The following VWA2 variants were observed in gnomAD, a reference collection of about 807,000 sequenced individuals.
VWA2 encodes the protein von Willebrand factor A domain containing 2.
In VWA2, 73 loss-of-function variants were observed where a neutral mutation model predicts 70.4. The observed-to-expected ratio is 1.04, with a 90% confidence interval of 0.86 to 1.26. The LOEUF is 1.26. Ranked by LOEUF, VWA2 falls within the 50% of genes most tolerant of loss-of-function variation. The pLI is 0.00. For missense variants in VWA2, 1,011 were observed against 998.5 expected, an observed-to-expected ratio of 1.01 and a Z score of -0.17; for synonymous variants, 407 against 423.3, an observed-to-expected ratio of 0.96 and a Z score of 0.47.
chr10:114,294,221 A>G lies in VWA2; in HGVS notation c.*2984A>G, dbSNP rs2039863226. Among the ~76,000 whole-genome samples the G allele has an allele frequency of 6.6e-6, 1 of 152,206 alleles. No homozygotes were observed. Among genetic ancestry groups the G allele is most frequent in the South Asian group, 2.1e-4 (1 of 4,836 alleles). On this transcript the variant is annotated 3_prime_UTR_variant, in exon 14 of 14. Coordinates refer to ENST00000392982, the MANE Select transcript of VWA2 (RefSeq NM_001272046.2). ...TTCAGATTCTTTTAATCTGTGTCCA[A>G]CAATGAGATTTGTTTTCTTTTGCAA... is the stretch of plus-strand genomic sequence containing the variant.
At chr10:114,259,863 T>A (rs2037406892) in intron 4 of VWA2, among the ~76,000 whole-genome samples, 1 of 152,186 alleles carries the variant, frequency 6.6e-6, no homozygotes, top group Non-Finnish European at 1.5e-5. Flanking sequence ...GACTGAGATT[T>A]CTTTCTGCTT....
chr10:114,257,644 C>T lies in VWA2; in HGVS notation c.261+2596C>T, dbSNP rs549380161. On this transcript the variant is annotated intron_variant, in intron 4 of 13. Transcript: ENST00000392982. ...TTGTCTTGACCCTCAGAATTCACAC[C>T]CTGCTATCACACAGCAAATGGCCAG... Among the ~76,000 whole-genome samples, 21 of 152,254 alleles carry T rather than the reference C, an allele frequency of 1.4e-4. No homozygotes were observed. The East Asian group carries it at 4.1e-3, about 29-fold the overall frequency.
chr10:114,240,571 T>G (rs2036958053), intron 1 of VWA2, among the ~76,000 whole-genome samples: 1 of 152,216 alleles, frequency 6.6e-6, no homozygotes, highest in Admixed American at 6.5e-5. Context: ...TCTAAGTGTT[T>G]TATAAATTCA....
At chr10:114,246,185 C>T in intron 1 of VWA2, 1 of 1,180,992 alleles carries the variant, frequency 8.5e-7, no homozygotes, top group Non-Finnish European at 1.2e-6. Context: ...GGCAAACGTA[C>T]ACCAAGAGAC....
At chr10:114,248,505 G>T (rs1242153045) in intron 1 of VWA2, among the ~76,000 whole-genome samples, 199 bp from the exon 2 acceptor site, 1 of 152,176 alleles carries the variant, frequency 6.6e-6, no homozygotes, top group East Asian at 1.9e-4. Flanking sequence ...TGTTAGCTTG[G>T]TGTCTAAAAC....
At position 114,289,340 on chromosome 10, in the gene VWA2, A is replaced by G. The variant is rs1270714403; in HGVS notation, c.1973A>G (p.Asn658Ser). The G allele has an allele frequency of 8.7e-6, 14 of 1,614,120 alleles. 1 individual carries two copies. The highest frequency in any genetic ancestry group is 6.7e-5 in the East Asian group (3 of 44,894). ...GTTCCTGCCCAGAAGCTGAGGAACA[A>G]TGGCATCTCTGTCTTGGTCGTGGGC... ...AAVPAQKLRN[N>S]GISVLVVGVG... Residue 658 changes from asparagine to serine, a missense_variant, in exon 12 of 14, where the codon AAT becomes AGT. Asn to Ser is a conservative substitution (Grantham distance 46). Coordinates refer to ENST00000392982, the MANE Select transcript of VWA2 (RefSeq NM_001272046.2).
chr10:114,288,848 T>G, intron 11 of VWA2, 90 bp from the exon 12 acceptor site: 1 of 1,432,462 alleles, frequency 7.0e-7, no homozygotes, highest in Middle Eastern at 2.5e-4. Flanking sequence ...TGGCTGACCT[T>G]GGTCCTACCC....
Position 114,285,956 on chromosome 10 carries a change from G to A in VWA2, c.1015G>A (p.Glu339Lys). The stretch of plus-strand genomic sequence containing the variant: ...CCCCGCAGCCCTGAAGCTGAGCCTG[G>A]AATGCAGGGTCGACCTCCTCTTCCT... ...EANCALKLSL[E>K]CRVDLLFLLD... is the part of the protein sequence containing the mutation. Residue 339 changes from glutamate (E) to lysine (K), a missense_variant, in exon 11 of 14, where the codon GAA becomes AAA. Transcript: ENST00000392982. 1 of 1,599,706 alleles carries A rather than the reference G, an allele frequency of 6.3e-7. No individual in the cohort carries two copies. Among genetic ancestry groups the A allele is most frequent in the Non-Finnish European group, 8.5e-7 (1 of 1,169,860 alleles).
chr10:114,276,051 G>A (rs1195167256), intron 6 of VWA2, among the ~76,000 whole-genome samples: 1 of 152,232 alleles, frequency 6.6e-6, no homozygotes, highest in Non-Finnish European at 1.5e-5. Context: ...GTTTGTCAGT[G>A]TTTCAGTGTC....
intron 5 of VWA2, among the ~76,000 whole-genome samples, chr10:114,271,608 AACACACACACACAC>A (rs142127208): frequency 1.8e-4 from 26 of 144,796 alleles, no homozygotes; most frequent in South Asian, 1.4e-3. Context: ...GAGAAGTAAA[AACACACACACACAC>A]ACACACACAC....
At chr10:114,268,717 C>T (rs1188665511) in intron 5 of VWA2, among the ~76,000 whole-genome samples, 3 of 141,776 alleles carry the variant, frequency 2.1e-5, no homozygotes, top group East Asian at 2.1e-4. Context: ...TTTTTTGAGA[C>T]GGAGTCTCGC....
rs143776898 is a variant in VWA2, at chr10:114,289,119, G to A, written c.1752G>A (p.Gly584=). The A allele has an allele frequency of 6.2e-7, 1 of 1,614,076 alleles. No individual in the cohort carries two copies. Among genetic ancestry groups the A allele is most frequent in the African/African-American group, 1.3e-5 (1 of 75,030 alleles). ...VYGSQVQTAF[G]LDTKPTRAAM... ...GCAGCCAGGTGCAGACTGCCTTCGG[G>A]CTGGACACCAAACCCACCCGGGCTG... Residue 584 remains glycine, a synonymous_variant, in exon 12 of 14, where the codon GGG becomes GGA. Transcript: ENST00000392982.
chr10:114,291,108 G>C (rs973871838), intron 13 of VWA2, 110 bp from the exon 14 acceptor site: 1 of 1,262,702 alleles, frequency 7.9e-7, no homozygotes, highest in African/African-American at 1.5e-5. Flanking sequence ...TGCTGGGGGC[G>C]AGGTGGGTTG....
At chr10:114,271,459 T>G (rs2037707075) in intron 5 of VWA2, among the ~76,000 whole-genome samples, 1 of 152,210 alleles carries the variant, frequency 6.6e-6, no homozygotes, top group African/African-American at 2.4e-5. Context: ...CTTGTCTTCC[T>G]GCTGAATGGA....
At chr10:114,259,890 C>T (rs1038778448) in intron 4 of VWA2, among the ~76,000 whole-genome samples, 2 of 152,174 alleles carry the variant, frequency 1.3e-5, no homozygotes, top group Non-Finnish European at 2.9e-5. Flanking sequence ...CCCAACAGCT[C>T]CTCCCCAGAG....
At chr10:114,286,553 C>T (rs770002882) in intron 11 of VWA2, 42 bp downstream of exon 11, 41 of 1,486,018 alleles carry the variant, frequency 2.8e-5, no homozygotes, top group East Asian at 9.3e-5. Context: ...GGTCAGTGGG[C>T]GGGTCCTTCC....
chr10:114,263,328 A>ATTTTTTTTTT (rs35723083), intron 5 of VWA2, among the ~76,000 whole-genome samples: 9 of 76,146 alleles, frequency 1.2e-4, no homozygotes, highest in South Asian at 4.5e-4. Context: ...AATCTCCCCC[A>ATTTTTTTTTT]TTTTTTTTTT....
At chr10:114,269,572 C>T (rs1033443963) in intron 5 of VWA2, among the ~76,000 whole-genome samples, 2 of 152,112 alleles carry the variant, frequency 1.3e-5, no homozygotes, top group African/African-American at 4.8e-5. Flanking sequence ...CAGAGTGAGA[C>T]TCTGTCTCAA....
intron 11 of VWA2, among the ~76,000 whole-genome samples, chr10:114,287,905 C>T (rs2133634235): frequency 6.6e-6 from 1 of 152,056 alleles, no homozygotes; most frequent in South Asian, 2.1e-4. Context: ...TTTTTGTGTT[C>T]CAGAATCCCA....
Sources: allele counts gnomAD v4.1 joint callset (sites outside exome capture counted in the v4.1 genomes callset), GRCh38; gene constraint gnomAD v4.1.1; transcripts MANE v1.5; gene names NCBI Gene and HGNC (gene_info 2026-07-23, HGNC 2026-07-21).